The following ADK variants were observed in gnomAD, a reference collection of about 807,000 sequenced individuals.
ADK encodes the protein N6,N6-dimethyladenosine kinase.
A neutral mutation model predicts 44.7 loss-of-function variants in ADK; 24 were observed. The ratio of observed to expected loss-of-function variants is 0.54; its 90% CI spans 0.39 to 0.76. ADK has a LOEUF of 0.76. Ranked by LOEUF, ADK falls within the 30% of genes least tolerant of loss-of-function variation. The pLI, the probability that ADK is intolerant of heterozygous loss-of-function variation, is 0.00. For missense variants in ADK, 321 were observed against 425.1 expected, an observed-to-expected ratio of 0.76 and a Z score of 2.15; for synonymous variants, 128 against 142.6, an observed-to-expected ratio of 0.90 and a Z score of 0.73.
At chr10:74,363,835 A>T (rs1043506344) in intron 4 of ADK, among the ~76,000 whole-genome samples, 12 of 152,150 alleles carry the variant, frequency 7.9e-5, no homozygotes, top group African/African-American at 2.9e-4. Context: ...CTGCTGTGGG[A>T]TGGAGGTTGG....
chr10:74,182,672 T>C (rs1842604383), intron 1 of ADK, among the ~76,000 whole-genome samples: 1 of 152,162 alleles, frequency 6.6e-6, no homozygotes, highest in Admixed American at 6.5e-5. Context: ...CAGGAATCTT[T>C]TATGTGCAAC....
chr10:74,661,458 A>T (rs10824218), intron 9 of ADK, among the ~76,000 whole-genome samples: 52,980 of 151,988 alleles, frequency 0.35, 10,502 homozygotes, highest in Non-Finnish European at 0.45. Flanking sequence ...TACCTTACTC[A>T]TGTGAGAATT....
At chr10:74,627,632 A>G (rs1853260061) in intron 9 of ADK, among the ~76,000 whole-genome samples, 1 of 146,290 alleles carries the variant, frequency 6.8e-6, no homozygotes, top group Non-Finnish European at 1.5e-5. Flanking sequence ...TTGTTGTTGT[A>G]TTTTGTTTTG....
intron 9 of ADK, among the ~76,000 whole-genome samples, chr10:74,606,428 C>A (rs1852326023): frequency 6.6e-6 from 1 of 151,358 alleles, no homozygotes; most frequent in Admixed American, 6.6e-5. Flanking sequence ...CCCAGAGATT[C>A]GTTGGGTCTC....
At chr10:74,231,961 G>GT (rs200584141) in intron 3 of ADK, among the ~76,000 whole-genome samples, 62 of 146,564 alleles carry the variant, frequency 4.2e-4, no homozygotes, top group African/African-American at 1.2e-3. Flanking sequence ...TTTTTTGTTT[G>GT]TCTTTTTTTT....
At chr10:74,184,501 T>TTGTGTGTG (rs67693938) in intron 1 of ADK, among the ~76,000 whole-genome samples, 96 of 138,506 alleles carry the variant, frequency 6.9e-4, no homozygotes, top group African/African-American at 9.3e-4. Context: ...TGGCTATATT[T>TTGTGTGTG]TGTGTGTGTG....
At chr10:74,698,534 A>G (rs1401979686) in intron 10 of ADK, among the ~76,000 whole-genome samples, 2 of 152,174 alleles carry the variant, frequency 1.3e-5, no homozygotes, top group Non-Finnish European at 1.5e-5. Flanking sequence ...ATCTTGTTCT[A>G]AAAAGAGCAG....
intron 6 of ADK, among the ~76,000 whole-genome samples, chr10:74,398,895 A>G (rs1024999901): frequency 6.6e-6 from 1 of 152,092 alleles, no homozygotes; most frequent in African/African-American, 2.4e-5. Flanking sequence ...ACAAACTTAC[A>G]TCTTACATTT....
chr10:74,411,101 A>G (rs1404244071), intron 6 of ADK, among the ~76,000 whole-genome samples: 1 of 152,114 alleles, frequency 6.6e-6, no homozygotes, highest in Non-Finnish European at 1.5e-5. Flanking sequence ...ATTTTTAACT[A>G]TCCTATTCTG....
intron 3 of ADK, among the ~76,000 whole-genome samples, chr10:74,256,981 C>G (rs1845848317): frequency 6.6e-6 from 1 of 151,892 alleles, no homozygotes; most frequent in African/African-American, 2.4e-5. Flanking sequence ...TATGTGTAAA[C>G]CAAAATGAGT....
intron 6 of ADK, among the ~76,000 whole-genome samples, chr10:74,501,649 A>G (rs1203824588): frequency 6.6e-6 from 1 of 152,228 alleles, no homozygotes; most frequent in Admixed American, 6.5e-5. Flanking sequence ...TGATAGATCC[A>G]TACAATGGAA....
At chr10:74,501,399 TA>T (rs1490269463) in intron 6 of ADK, among the ~76,000 whole-genome samples, 1 of 152,192 alleles carries the variant, frequency 6.6e-6, no homozygotes, top group Admixed American at 6.5e-5. Context: ...AAATTTCCAC[TA>T]AAACCTCAAT....
chr10:74,489,457 A>C (rs892692202), intron 6 of ADK, among the ~76,000 whole-genome samples: 1 of 152,132 alleles, frequency 6.6e-6, no homozygotes, highest in Admixed American at 6.5e-5. Flanking sequence ...AGATGCATGT[A>C]GTATACACAG....
intron 4 of ADK, among the ~76,000 whole-genome samples, chr10:74,390,137 A>G (rs545870893): frequency 2.0e-5 from 3 of 152,126 alleles, no homozygotes; most frequent in Non-Finnish European, 2.9e-5. Context: ...AAAGTAAGTT[A>G]TAGAATAACA....
chr10:74,369,775 G>T (rs1167919031), intron 4 of ADK, among the ~76,000 whole-genome samples: 1 of 152,114 alleles, frequency 6.6e-6, no homozygotes, highest in Admixed American at 6.6e-5. Flanking sequence ...ATACTGTACT[G>T]CAGGTTCTAG....
At chr10:74,334,784 C>T (rs1452719906) in intron 4 of ADK, among the ~76,000 whole-genome samples, 2 of 152,062 alleles carry the variant, frequency 1.3e-5, no homozygotes, top group African/African-American at 4.8e-5. Flanking sequence ...GGCTGGTCTC[C>T]AGAGCAGACT....
chr10:74,369,201 CA>C (rs1842585436), intron 4 of ADK, among the ~76,000 whole-genome samples: 1 of 151,958 alleles, frequency 6.6e-6, no homozygotes, highest in South Asian at 2.1e-4. Flanking sequence ...ACAAAAATTA[CA>C]AATATTAGCC....
intron 8 of ADK, among the ~76,000 whole-genome samples, chr10:74,590,918 A>G (rs982596029): frequency 2.0e-5 from 3 of 152,154 alleles, no homozygotes; most frequent in Admixed American, 6.6e-5. Flanking sequence ...AGAATTCTCC[A>G]TAGAAGAAAA....
At chr10:74,284,453 G>A (rs1332137879) in intron 3 of ADK, among the ~76,000 whole-genome samples, 4 of 151,668 alleles carry the variant, frequency 2.6e-5, no homozygotes, top group South Asian at 2.1e-4. Flanking sequence ...TAGTAGAGAC[G>A]GGGTTTCTCC....
Sources: allele counts gnomAD v4.1 joint callset (sites outside exome capture counted in the v4.1 genomes callset), GRCh38; gene constraint gnomAD v4.1.1; transcripts MANE v1.5; gene names NCBI Gene and HGNC (gene_info 2026-07-23, HGNC 2026-07-21).